PCDHGA9: variants seen among roughly 807,000 people sequenced by gnomAD.
PCDHGA9 encodes the protein protocadherin gamma subfamily A, 9.
A neutral mutation model predicts 62.5 loss-of-function variants in PCDHGA9; 37 were observed. The observed-to-expected ratio is 0.59, with a 90% confidence interval of 0.46 to 0.78. The LOEUF (loss-of-function observed/expected upper bound fraction) is 0.78, where lower values mean the gene tolerates loss of function less well. Ranked by LOEUF, PCDHGA9 falls within the 30% of genes least tolerant of loss-of-function variation. The probability of loss-of-function intolerance (pLI) is 0.00; values close to 1 mark genes in which losing one functional copy is unlikely to be tolerated. For missense variants in PCDHGA9, 1,138 were observed against 1,166.2 expected (o/e 0.98, Z 0.35); for synonymous variants, 459 against 484.6 (o/e 0.95, Z 0.69).
chr5:141,419,067 A>C (rs2096321794), intron 1 of PCDHGA9: 2 of 1,613,956 alleles, frequency 1.2e-6, no homozygotes, highest in African/African-American at 1.3e-5. Flanking sequence ...AATTACTACA[A>C]GCTAGTAACA....
rs1410460145 is a variant in PCDHGA9 at position 141,490,798 on chromosome 5, C to T, written c.2425-4009C>T. On this transcript the variant is annotated intron_variant, in intron 1 of 3. Coordinates refer to ENST00000573521, the MANE Select transcript of PCDHGA9 (RefSeq NM_018921.3). The surrounding 1 kb of genome is among the most constrained non-coding windows in gnomAD (Gnocchi z 5.4). The stretch of plus-strand genomic sequence containing the variant: ...AGAGGATGGACGGATCTTTGCCCAG[C>T]GTACCTTTGACTATGAATTGCTGCA... 9.3e-6 allele frequency: 15 copies of T among 1,613,808 alleles called. No individual in the cohort carries two copies. Among genetic ancestry groups the T allele is most frequent in the Admixed American group, 6.7e-5 (4 of 60,002 alleles).
chr5:141,410,785 G>T, intron 1 of PCDHGA9: 1 of 804,598 alleles, frequency 1.2e-6, no homozygotes, highest in Non-Finnish European at 1.8e-6. Context: ...TATGTATTTG[G>T]TTCATAAGTT....
Position 141,485,094 on chromosome 5 carries a change from C to A in PCDHGA9, c.2425-9713C>A. ...GGCGCGGGGAAAGGGAGATAGGTGT[C>A]TCCAGCTGCTGTGGCTGTTTGGGGC... On this transcript the variant is annotated intron_variant, in intron 1 of 3. Coordinates refer to ENST00000573521, the MANE Select transcript of PCDHGA9 (RefSeq NM_018921.3). The surrounding 1 kb of genome is among the most constrained non-coding windows in gnomAD (Gnocchi z 5.7). 9.1e-7 allele frequency: 1 copy of A among 1,100,766 alleles called. No individual in the cohort carries two copies. Among genetic ancestry groups the A allele is most frequent in the Non-Finnish European group, 1.4e-6 (1 of 736,922 alleles). The allele number at this position is 1,100,766 out of a possible 1,614,324, so 68.2% of individuals were successfully genotyped here. A position where few individuals can be genotyped will look rare whatever the true frequency, so the allele number is the denominator to read the frequency against.
chr5:141,462,999 C>T (rs1360054048), intron 1 of PCDHGA9, among the ~76,000 whole-genome samples: 1 of 152,068 alleles, frequency 6.6e-6, no homozygotes, highest in Non-Finnish European at 1.5e-5. Flanking sequence ...TAATTTAGAC[C>T]TACCACTTAA....
In PCDHGA9 at chr5:141,432,218, A is replaced by T. The variant is rs570925415; in HGVS notation, c.2424+26842A>T. On this transcript the variant is annotated intron_variant, in intron 1 of 3. Transcript: ENST00000573521. This position sits in a 1 kb window ranked among gnomAD's most constrained non-coding sequence, Gnocchi z 6.0. Reference sequence around the variant, plus strand: ...CCCCGACTGTGAAGAGAACGCCCAGATCACTTATTCCCTGGCTGAGAACAC... The same window carrying T: ...CCCCGACTGTGAAGAGAACGCCCAGTTCACTTATTCCCTGGCTGAGAACAC... The T allele has an allele frequency of 6.2e-7, 1 of 1,614,148 alleles. No homozygotes were observed. The highest frequency in any genetic ancestry group is 1.3e-5 in the African/African-American group (1 of 75,030).
intron 1 of PCDHGA9, among the ~76,000 whole-genome samples, chr5:141,437,411 T>C (rs1014219268): frequency 1.1e-4 from 17 of 152,222 alleles, no homozygotes; most frequent in African/African-American, 4.1e-4. Flanking sequence ...TCCAGAAGTA[T>C]TATGCTTTTT....
chr5:141,426,711 G>C, intron 1 of PCDHGA9: 1 of 444,496 alleles, frequency 2.2e-6, no homozygotes, highest in Non-Finnish European at 4.6e-6. Flanking sequence ...ACAAATCAAT[G>C]AACTAGCAAT....
At chr5:141,459,302 A>T (rs1401348885) in intron 1 of PCDHGA9, among the ~76,000 whole-genome samples, 1 of 152,210 alleles carries the variant, frequency 6.6e-6, no homozygotes, top group African/African-American at 2.4e-5. Flanking sequence ...CCTATAACAT[A>T]TACTATTTTG....
intron 1 of PCDHGA9, chr5:141,422,315 C>T: frequency 6.5e-7 from 1 of 1,547,896 alleles, no homozygotes; most frequent in Non-Finnish European, 8.7e-7. Flanking sequence ...AACTCTCCTC[C>T]AGGTACAGTG....
intron 1 of PCDHGA9, among the ~76,000 whole-genome samples, chr5:141,439,221 T>G (rs145700274): frequency 1.2e-3 from 182 of 151,852 alleles, no homozygotes; most frequent in African/African-American, 4.3e-3. Flanking sequence ...ATGTGAAAAT[T>G]CTTAGAAGCT....
chr5:141,432,863 T>C lies in PCDHGA9; in HGVS notation c.2424+27487T>C, dbSNP rs762979829. On this transcript the variant is annotated intron_variant, in intron 1 of 3. Coordinates refer to ENST00000573521, the MANE Select transcript of PCDHGA9 (RefSeq NM_018921.3). This position sits in a 1 kb window ranked among gnomAD's most constrained non-coding sequence, Gnocchi z 6.0. ...GGTGGTAGCGGTGGCCGCGGTCTCCTGCGTCTTCCTGGCCTTCGTCATCTT... is the reference window on the plus strand; with the variant it reads ...GGTGGTAGCGGTGGCCGCGGTCTCCCGCGTCTTCCTGGCCTTCGTCATCTT... 20 of 1,614,192 alleles carry C rather than the reference T, an allele frequency of 1.2e-5. No individual in the cohort carries two copies. Among genetic ancestry groups the C allele is most frequent in the Admixed American group, 6.7e-5 (4 of 60,032 alleles).
chr5:141,404,968 G>A lies in PCDHGA9; in HGVS notation c.2016G>A (p.Leu672=). 1 of 1,613,964 alleles carries A rather than the reference G, an allele frequency of 6.2e-7. No homozygotes were observed. ...TAGCTGACAGCATCCCAGACATCCT[G>A]GCTGACCTGGGCAGTCTTCAGATCC... ...VAIADSIPDI[L]ADLGSLQIPA... Residue 672 remains leucine (L), a synonymous_variant, in exon 1 of 4, where the codon CTG becomes CTA. Coordinates refer to ENST00000573521, the MANE Select transcript of PCDHGA9 (RefSeq NM_018921.3).
chr5:141,415,684 A>G, intron 1 of PCDHGA9: 2 of 1,437,842 alleles, frequency 1.4e-6, no homozygotes, highest in Non-Finnish European at 1.9e-6. Flanking sequence ...TTGCGGCATG[A>G]TGGTGGAAAG....
At chr5:141,438,091 C>T (rs964466012) in intron 1 of PCDHGA9, among the ~76,000 whole-genome samples, 1 of 152,098 alleles carries the variant, frequency 6.6e-6, no homozygotes, top group Admixed American at 6.6e-5. Flanking sequence ...TTACCAGTAA[C>T]AGGGCATACT....
intron 1 of PCDHGA9, chr5:141,412,395 T>G (rs941350125): frequency 1.3e-5 from 2 of 152,246 alleles, no homozygotes; most frequent in African/African-American, 4.8e-5. Flanking sequence ...ATTTAACTTG[T>G]ATCCCTGTAA....
chr5:141,420,415 TAAAAC>T, intron 1 of PCDHGA9: 1 of 1,217,298 alleles, frequency 8.2e-7, no homozygotes, highest in Non-Finnish European at 1.1e-6. Flanking sequence ...TTATCATTAT[TAAAAC>T]AAAAGTTTAA....
At chr5:141,458,803 G>A (rs2098953701) in intron 1 of PCDHGA9, among the ~76,000 whole-genome samples, 2 of 152,130 alleles carry the variant, frequency 1.3e-5, no homozygotes, top group African/African-American at 4.8e-5. Flanking sequence ...TGTGATCTCA[G>A]CTCACTGCAA....
intron 1 of PCDHGA9, among the ~76,000 whole-genome samples, chr5:141,450,829 A>ATTATTT (rs1554136902): frequency 7.4e-6 from 1 of 135,144 alleles, no homozygotes; most frequent in Admixed American, 7.6e-5. Context: ...TATTATTATT[A>ATTATTT]TTTTTTTTTT....
chr5:141,404,764 C>A lies in PCDHGA9; in HGVS notation c.1812C>A (p.Leu604=), dbSNP rs371618979. 152 of 1,613,920 alleles carry A rather than the reference C, an allele frequency of 9.4e-5. 1 individual carries two copies. In the African/African-American group the frequency reaches 1.6e-3, roughly 17 times the overall value. ...GAGACTCAGGCCAGAATGCTTGGCT[C>A]TCCTACCGCCTATTCAAGGCCAGTG... ...VDRDSGQNAW[L]SYRLFKASEP... Residue 604 remains leucine, a synonymous_variant, in exon 1 of 4, where the codon CTC becomes CTA. Coordinates refer to ENST00000573521, the MANE Select transcript of PCDHGA9 (RefSeq NM_018921.3).
Sources: allele counts gnomAD v4.1 joint callset (sites outside exome capture counted in the v4.1 genomes callset), GRCh38; gene constraint gnomAD v4.1.1; non-coding constraint Gnocchi (gnomAD v3.1); transcripts MANE v1.5; gene names NCBI Gene and HGNC (gene_info 2026-07-23, HGNC 2026-07-21).